SH3GL3: variants seen among roughly 807,000 people sequenced by gnomAD.
The protein encoded by SH3GL3 is endophilin-A3.
SH3GL3 carries 33 observed loss-of-function variants against 47.7 expected under a neutral mutation model. The observed-to-expected ratio is 0.69, with a 90% CI of 0.52 to 0.92. SH3GL3 has a LOEUF of 0.92. SH3GL3 is among the 40% of genes least tolerant of loss of function. SH3GL3 has a pLI of 0.00. For missense variants in SH3GL3, 363 were observed against 417.8 expected, an observed-to-expected ratio of 0.87 and a Z score of 1.14; for synonymous variants, 155 against 148.8, an observed-to-expected ratio of 1.04 and a Z score of -0.30.
intron 1 of SH3GL3, among the ~76,000 whole-genome samples, chr15:83,511,522 A>G (rs2042749076): frequency 6.6e-6 from 1 of 152,246 alleles, no homozygotes; most frequent in South Asian, 2.1e-4. Flanking sequence ...AACAGCAGCA[A>G]TAGTTCAAAA....
chr15:83,617,361 T>A (rs1482057308), intron 8 of SH3GL3, among the ~76,000 whole-genome samples: 11 of 152,190 alleles, frequency 7.2e-5, no homozygotes. Flanking sequence ...CCATGAGTGA[T>A]ACACACTTCA....
intron 1 of SH3GL3, among the ~76,000 whole-genome samples, chr15:83,483,677 G>T (rs1473010357): frequency 1.3e-5 from 2 of 152,162 alleles, no homozygotes; most frequent in Non-Finnish European, 2.9e-5. Context: ...TTTTCTTTCT[G>T]TGGGTCTGCC....
intron 1 of SH3GL3, among the ~76,000 whole-genome samples, chr15:83,535,882 A>C (rs1215047886): frequency 1.3e-5 from 2 of 152,202 alleles, no homozygotes; most frequent in African/African-American, 4.8e-5. Flanking sequence ...ACTGTAATTG[A>C]AAATGGGCAA....
chr15:83,488,680 AG>A (rs1596085375), intron 1 of SH3GL3, among the ~76,000 whole-genome samples: 2 of 152,282 alleles, frequency 1.3e-5, no homozygotes, highest in East Asian at 3.9e-4. Flanking sequence ...CTGCTTCAGG[AG>A]GGTGTGCTCC....
Position 83,490,388 on chromosome 15 carries a change from G to C in SH3GL3, c.45+42810G>C, listed in dbSNP as rs538006967. 8.3e-4 allele frequency among the ~76,000 whole-genome samples: 127 copies of C among 152,148 alleles called. 1 individual carries two copies. Among genetic ancestry groups the C allele is most frequent in the Non-Finnish European group, 1.2e-3 (84 of 67,996 alleles). On this transcript the variant is annotated intron_variant, in intron 1 of 8. Coordinates refer to ENST00000427482, the MANE Select transcript of SH3GL3 (RefSeq NM_003027.5). Reference sequence around the variant, plus strand: ...GGTAAATGCCAGAGGGACACTGAGGGCTCATCAGGAGGACTCAGCCTCCTC... The same window carrying C: ...GGTAAATGCCAGAGGGACACTGAGGCCTCATCAGGAGGACTCAGCCTCCTC...
intron 8 of SH3GL3, chr15:83,609,403 A>G: frequency 4.5e-6 from 2 of 445,698 alleles, no homozygotes; most frequent in Admixed American, 4.9e-5. Context: ...AAAAGCAGGA[A>G]CAAAAACACT....
In SH3GL3 at chr15:83,618,530, G is replaced by C; in HGVS notation, c.*243G>C. ...TAAAAGTCATTGGTTAAATGTATTTGCTTCCTGTGGCTAAAAATAAGTCTC... is the reference window on the plus strand; with the variant it reads ...TAAAAGTCATTGGTTAAATGTATTTCCTTCCTGTGGCTAAAAATAAGTCTC... On this transcript the variant is annotated 3_prime_UTR_variant, in exon 9 of 9. Coordinates refer to ENST00000427482, the MANE Select transcript of SH3GL3 (RefSeq NM_003027.5). 2.2e-6 allele frequency: 1 copy of C among 453,416 alleles called. No individual in the cohort carries two copies. Among genetic ancestry groups the C allele is most frequent in the Admixed American group, 3.6e-5 (1 of 28,066 alleles). The allele number at this position is 453,416 out of a possible 1,614,324, so 28.1% of individuals were successfully genotyped here.
chr15:83,561,077 C>T (rs1313937265), intron 2 of SH3GL3, among the ~76,000 whole-genome samples: 1 of 151,982 alleles, frequency 6.6e-6, no homozygotes, highest in Non-Finnish European at 1.5e-5. Flanking sequence ...ATAGATTAAA[C>T]TGACAATAAT....
At chr15:83,522,805 A>G (rs1402079811) in intron 1 of SH3GL3, among the ~76,000 whole-genome samples, 2 of 152,234 alleles carry the variant, frequency 1.3e-5, no homozygotes, top group Non-Finnish European at 2.9e-5. Flanking sequence ...GTGTGACTAT[A>G]GGAAAAAGTC....
chr15:83,499,484 A>T (rs1309056450), intron 1 of SH3GL3, among the ~76,000 whole-genome samples: 1 of 151,958 alleles, frequency 6.6e-6, no homozygotes, highest in Non-Finnish European at 1.5e-5. Flanking sequence ...AATACTATTT[A>T]TAAATTCTGT....
chr15:83,490,946 C>A, intron 1 of SH3GL3: 1 of 1,612,872 alleles, frequency 6.2e-7, no homozygotes, highest in Non-Finnish European at 8.5e-7. Context: ...TGGGGAAGAA[C>A]AGTAAACTTG....
At chr15:83,550,530 C>T (rs62027552) in intron 1 of SH3GL3, among the ~76,000 whole-genome samples, 908 of 152,252 alleles carry the variant, frequency 6.0e-3, no homozygotes, top group Middle Eastern at 0.024. Context: ...GCTGGGATTA[C>T]AGGTGTGCAC....
intron 1 of SH3GL3, among the ~76,000 whole-genome samples, chr15:83,502,996 G>A (rs1442021361): frequency 6.6e-6 from 1 of 152,070 alleles, no homozygotes. Flanking sequence ...CATTAATTGA[G>A]TGTTTGTAGT....
At chr15:83,623,834 G>A in the SH3GL3 span, among the ~76,000 whole-genome samples, 1 of 152,068 alleles carries the variant, frequency 6.6e-6, no homozygotes, top group Non-Finnish European at 1.5e-5. Flanking sequence ...CACCCAGGCT[G>A]GAGTGCAATG....
At chr15:83,594,771 G>A (rs555865474) in intron 8 of SH3GL3, among the ~76,000 whole-genome samples, 84 of 152,304 alleles carry the variant, frequency 5.5e-4, no homozygotes, top group Non-Finnish European at 1.1e-3. Context: ...GAAGATCACA[G>A]AGGTAAAGTG....
chr15:83,494,980 C>A (rs2042024165), intron 1 of SH3GL3, among the ~76,000 whole-genome samples: 1 of 152,154 alleles, frequency 6.6e-6, no homozygotes, highest in African/African-American at 2.4e-5. Context: ...TCCCTCTCCC[C>A]CTTCCAGATG....
chr15:83,509,388 T>C lies in SH3GL3; in HGVS notation c.46-49865T>C, dbSNP rs556359795. ...AGGAAGCTCGTAAGTTCGTGTTTGC[T>C]TCTAAATGGTTGCTGTGGCTTTCTG... On this transcript the variant is annotated intron_variant, in intron 1 of 8. Transcript: ENST00000427482. Among the ~76,000 whole-genome samples, 4 of 152,322 alleles carry C rather than the reference T, an allele frequency of 2.6e-5. No homozygotes were observed. In the South Asian group the frequency reaches 8.3e-4, roughly 32 times the overall value.
At chr15:83,499,801 T>C (rs1182536977) in intron 1 of SH3GL3, among the ~76,000 whole-genome samples, 2 of 152,110 alleles carry the variant, frequency 1.3e-5, no homozygotes, top group Non-Finnish European at 2.9e-5. Flanking sequence ...ATCCTATCAG[T>C]ACACAGGACC....
chr15:83,596,692 A>G (rs1159627223), intron 8 of SH3GL3, among the ~76,000 whole-genome samples: 1 of 151,738 alleles, frequency 6.6e-6, no homozygotes, highest in African/African-American at 2.4e-5. Context: ...CTGGTCTCCA[A>G]CTCCTGGGCT....
Sources: allele counts gnomAD v4.1 joint callset (sites outside exome capture counted in the v4.1 genomes callset), GRCh38; gene constraint gnomAD v4.1.1; transcripts MANE v1.5; gene names NCBI Gene and HGNC (gene_info 2026-07-23, HGNC 2026-07-21).